Variants in NEBL observed in about 807,000 individuals in gnomAD.
NEBL encodes the protein LIM and SH3 protein 2.
NEBL carries 122 observed loss-of-function variants against 140.2 expected under a neutral mutation model. That is an observed-to-expected ratio of 0.87 (90% CI 0.75 to 1.01). The LOEUF is 1.01. Among genes scored for constraint, NEBL ranks in the 50% least tolerant of loss-of-function variants. The probability of loss-of-function intolerance (pLI) is 0.00; values close to 1 mark genes in which losing one functional copy is unlikely to be tolerated. For synonymous variants in NEBL, 436 were observed against 398.9 expected, an observed-to-expected ratio of 1.09 and a Z score of -1.11; for missense variants, 1,365 against 1,231.3, an observed-to-expected ratio of 1.11 and a Z score of -1.62.
chr10:21,212,801 T>G (rs1424992314), intron 3 of NEBL, among the ~76,000 whole-genome samples: 1 of 152,230 alleles, frequency 6.6e-6, no homozygotes, highest in African/African-American at 2.4e-5. Flanking sequence ...ATAGCTGGCT[T>G]GACTACCGTT....
intron 3 of NEBL, among the ~76,000 whole-genome samples, chr10:21,209,421 T>A (rs1329012554): frequency 2.6e-5 from 4 of 152,180 alleles, no homozygotes; most frequent in Non-Finnish European, 5.9e-5. Context: ...ATCTGGAAAG[T>A]CTAGCCTCGG....
At position 20,840,831 on chromosome 10, in the gene NEBL, A is replaced by T. The variant is rs1473800986; in HGVS notation, c.1246T>A (p.Leu416Met). Residue 416 changes from leucine to methionine, a missense_variant, in exon 13 of 28, where the codon TTG becomes ATG. Leu to Met is a conservative substitution (Grantham distance 15). Around this residue, in one of 2 missense-constraint regions of NEBL, gnomAD observed 1,323 missense variants for 1,154.8 expected, o/e 1.15. Transcript: ENST00000377122. ...CCTTTCCCTTTTATCTCATTTTCCA[A>T]ATCTTTTTTATATTCTTTCTATGAG... is the stretch of plus-strand genomic sequence containing the variant. ...LLREKEYKKD[L>M]ENEIKGKGME... The T allele has an allele frequency of 6.3e-7, 1 of 1,583,206 alleles. No homozygotes were observed. Among genetic ancestry groups the T allele is most frequent in the Non-Finnish European group, 8.7e-7 (1 of 1,153,774 alleles).
intron 26 of NEBL, among the ~76,000 whole-genome samples, chr10:20,792,267 C>A (rs1564328286): frequency 6.6e-6 from 1 of 151,996 alleles, no homozygotes; most frequent in Non-Finnish European, 1.5e-5. Flanking sequence ...AGAAAATCAC[C>A]ATTCAGAAAT....
intron 2 of NEBL, among the ~76,000 whole-genome samples, chr10:21,115,756 T>C (rs1014306230): frequency 1.2e-4 from 19 of 152,082 alleles, no homozygotes; most frequent in African/African-American, 4.3e-4. Context: ...TTCAGCAAAT[T>C]TGGATATTTT....
At chr10:21,165,018 A>G (rs531143884) in intron 2 of NEBL, among the ~76,000 whole-genome samples, 1 of 152,010 alleles carries the variant, frequency 6.6e-6, no homozygotes, top group East Asian at 1.9e-4. Flanking sequence ...TAACAATGTG[A>G]CCTTTTCTCT....
intron 3 of NEBL, among the ~76,000 whole-genome samples, chr10:21,226,732 C>T (rs926564075): frequency 9.2e-5 from 14 of 152,364 alleles, no homozygotes; most frequent in Admixed American, 7.8e-4. Flanking sequence ...CTGTGTCACA[C>T]AGCCATTACT....
intron 5 of NEBL, among the ~76,000 whole-genome samples, chr10:20,878,375 T>G (rs1451804333): frequency 6.6e-6 from 1 of 152,230 alleles, no homozygotes; most frequent in Admixed American, 6.5e-5. Flanking sequence ...TATTTTAAAT[T>G]AAATGAAGTC....
chr10:20,795,560 A>ATGTGTG (rs113613364), intron 26 of NEBL, among the ~76,000 whole-genome samples: 1 of 150,922 alleles, frequency 6.6e-6, no homozygotes, highest in African/African-American at 2.4e-5. Flanking sequence ...TGCGTGTGCA[A>ATGTGTG]TGTGTGTGTG....
chr10:21,102,278 T>C (rs1460980575), intron 2 of NEBL, among the ~76,000 whole-genome samples: 1 of 152,212 alleles, frequency 6.6e-6, no homozygotes, highest in Non-Finnish European at 1.5e-5. Flanking sequence ...TAAGATATAA[T>C]TGGCTCACAA....
rs1335472951 is a variant in NEBL at position 20,780,868 on chromosome 10, T to C, written c.*4879A>G. 6.6e-6 allele frequency: 1 copy of C among 152,230 alleles called. No individual in the cohort carries two copies. The highest frequency in any genetic ancestry group is 2.4e-5 in the African/African-American group (1 of 41,462). 9.4% of individuals were successfully genotyped at this position (152,230 alleles called of 1,614,324 possible). On this transcript the variant is annotated 3_prime_UTR_variant, in exon 28 of 28. Coordinates refer to ENST00000377122, the MANE Select transcript of NEBL (RefSeq NM_006393.3). ...TTTGCCGTCATTTAAGTAGTTTCAA[T>C]AGATAAATCGGTGATTTGCTTTTAA...
chr10:21,143,223 C>T (rs558955148), intron 2 of NEBL, among the ~76,000 whole-genome samples: 61 of 151,928 alleles, frequency 4.0e-4, no homozygotes, highest in Non-Finnish European at 6.9e-4. Context: ...CCAAGGTGGG[C>T]GGATCACTTG....
chr10:20,869,865 A>G, intron 5 of NEBL, 24 bp from the exon 6 acceptor site: 1 of 1,395,552 alleles, frequency 7.2e-7, no homozygotes, highest in Non-Finnish European at 1.0e-6. Flanking sequence ...GTTTTGGTTA[A>G]AAAATAAATA....
At chr10:20,806,847 A>G (rs1215120689) in intron 26 of NEBL, among the ~76,000 whole-genome samples, 1 of 152,240 alleles carries the variant, frequency 6.6e-6, no homozygotes, top group Non-Finnish European at 1.5e-5. Context: ...ACTCTCTGGT[A>G]CATTGCCTTT....
At chr10:20,887,515 C>A (rs1564422121) in intron 4 of NEBL, among the ~76,000 whole-genome samples, 1 of 149,488 alleles carries the variant, frequency 6.7e-6, no homozygotes, top group Non-Finnish European at 1.5e-5. Context: ...ACTTCCCAGG[C>A]TCAAGCAATC....
chr10:21,260,209 G>C (rs1842720669), intron 1 of NEBL, among the ~76,000 whole-genome samples: 1 of 152,176 alleles, frequency 6.6e-6, no homozygotes, highest in South Asian at 2.1e-4. Context: ...CGGGAATCCG[G>C]TCCAGACTTC....
At chr10:20,941,485 T>G (rs1320468374) in intron 4 of NEBL, among the ~76,000 whole-genome samples, 1 of 152,076 alleles carries the variant, frequency 6.6e-6, no homozygotes, top group African/African-American at 2.4e-5. Flanking sequence ...TCATACCAAA[T>G]GGGCAAAAAG....
chr10:21,013,803 G>A (rs1248028197), intron 3 of NEBL, among the ~76,000 whole-genome samples: 1 of 152,116 alleles, frequency 6.6e-6, no homozygotes, highest in Non-Finnish European at 1.5e-5. Flanking sequence ...GCTGGAACCT[G>A]GGAGGCGGAG....
intron 5 of NEBL, 100 bp downstream of exon 5, chr10:20,880,694 C>G (rs1845936559): frequency 2.3e-6 from 2 of 876,112 alleles, no homozygotes; most frequent in East Asian, 4.8e-5. Context: ...CTTTTTTGAA[C>G]AGGGCTGTTG....
At chr10:21,094,400 G>A (rs1837073126) in intron 2 of NEBL, among the ~76,000 whole-genome samples, 1 of 151,662 alleles carries the variant, frequency 6.6e-6, no homozygotes, top group South Asian at 2.1e-4. Context: ...TACTTGGGAG[G>A]CTGAGGCAGG....
Sources: gnomAD v4.1 joint callset for allele counts (sites outside exome capture counted in the v4.1 genomes callset) on GRCh38, gnomAD v4.1.1 for gene constraint, gnomAD v4.1.1 regional missense constraint, MANE v1.5 for transcripts, NCBI Gene and HGNC (gene_info 2026-07-23, HGNC 2026-07-21) for gene names.